HS1BP3: variants seen among roughly 807,000 people sequenced by gnomAD.
HS1BP3 encodes the protein HCLS1-binding protein 3.
HS1BP3 carries 32 observed loss-of-function variants against 33.5 expected under a neutral mutation model. The observed-to-expected ratio is 0.95, with a 90% CI of 0.72 to 1.28. HS1BP3 has a LOEUF of 1.28. HS1BP3 is among the 50% of genes most tolerant of loss of function. HS1BP3 has a pLI of 0.00. For missense variants in HS1BP3, 486 were observed against 502.3 expected (o/e 0.97, Z 0.31); for synonymous variants, 187 against 209.2 (o/e 0.89, Z 0.92).
At chr2:20,557,984 G>A (rs570281663), downstream of HS1BP3, among the ~76,000 whole-genome samples, 36 of 152,222 alleles carry the variant, frequency 2.4e-4, no homozygotes, top group Non-Finnish European at 5.0e-4. Context: ...GAGGGCACCA[G>A]GCTGCTGGCT....
At chr2:20,616,090 C>A (rs930621814), downstream of HS1BP3, among the ~76,000 whole-genome samples, 45 of 152,220 alleles carry the variant, frequency 3.0e-4, no homozygotes, top group African/African-American at 1.1e-3. Flanking sequence ...GGGCTCACAA[C>A]AGGCTTCGAA....
In HS1BP3 at chr2:20,651,021, G is replaced by T; in HGVS notation, c.32+11C>A. 2 of 1,239,954 alleles carry T rather than the reference G, an allele frequency of 1.6e-6. No individual in the cohort carries two copies. The highest frequency in any genetic ancestry group is 3.1e-5 in the East Asian group (1 of 32,468). The allele number at this position is 1,239,954 out of a possible 1,614,324, so 76.8% of individuals were successfully genotyped here. On this transcript the variant is annotated intron_variant, in intron 1 of 6. Transcript: ENST00000304031. ...GAGCTGTGCGGTGTGGGGCGCGGGG[G>T]TCTGGCTCACCTGGAGGTGACGAGC...
chr2:20,556,865 G>A (rs1692854156), downstream of HS1BP3, among the ~76,000 whole-genome samples: 1 of 152,050 alleles, frequency 6.6e-6, no homozygotes, highest in African/African-American at 2.4e-5. Flanking sequence ...TCTTTTCCAT[G>A]TCCTTAAAAT....
At chr2:20,593,840 C>A (rs936371031) in intron 3 of HS1BP3, among the ~76,000 whole-genome samples, 6 of 152,202 alleles carry the variant, frequency 3.9e-5, no homozygotes, top group African/African-American at 1.4e-4. Flanking sequence ...TGCACTCAAG[C>A]CTGGGATATG....
At chr2:20,591,612 C>T (rs1356532190), downstream of HS1BP3, among the ~76,000 whole-genome samples, 1 of 152,212 alleles carries the variant, frequency 6.6e-6, no homozygotes, top group Non-Finnish European at 1.5e-5. Context: ...TGCTCTGCCA[C>T]CCAGGCTGGA....
chr2:20,648,781 G>A lies in HS1BP3; in HGVS notation c.32+2251C>T, dbSNP rs2149305617. 2.0e-5 allele frequency among the ~76,000 whole-genome samples: 3 copies of A among 152,248 alleles called. 1 individual carries two copies. The Middle Eastern group carries it at 0.01, about 518-fold the overall frequency. Reference sequence around the variant, plus strand: ...AGCTGCCTGACATCCCCACTGGGCTGTCAACGAGCTTCTCAAAACTCACCT... The same window carrying A: ...AGCTGCCTGACATCCCCACTGGGCTATCAACGAGCTTCTCAAAACTCACCT... On this transcript the variant is annotated intron_variant, in intron 1 of 6. Transcript: ENST00000304031.
At chr2:20,642,259 G>A (rs1461900178) in intron 2 of HS1BP3, among the ~76,000 whole-genome samples, 1 of 152,220 alleles carries the variant, frequency 6.6e-6, no homozygotes, top group East Asian at 1.9e-4. Context: ...TCGGGCTCGG[G>A]GAGATCCCTT....
chr2:20,648,559 T>C (rs1320000453), intron 1 of HS1BP3, among the ~76,000 whole-genome samples: 1 of 152,182 alleles, frequency 6.6e-6, no homozygotes, highest in Non-Finnish European at 1.5e-5. Context: ...CCACTCTTGC[T>C]CAAACAGGAG....
At chr2:20,644,580 G>A (rs547710135) in intron 2 of HS1BP3, among the ~76,000 whole-genome samples, 6 of 152,304 alleles carry the variant, frequency 3.9e-5, no homozygotes, top group African/African-American at 1.4e-4. Flanking sequence ...GTCAGCAAAT[G>A]TGGTGCATGT....
At chr2:20,591,971 C>T (rs62125670), downstream of HS1BP3, among the ~76,000 whole-genome samples, 5,393 of 152,266 alleles carry the variant, frequency 0.035, 120 homozygotes, top group South Asian at 0.069. Flanking sequence ...GACGGTTCAA[C>T]ATCACGTCCC....
intron 2 of HS1BP3, among the ~76,000 whole-genome samples, chr2:20,610,838 G>A (rs1325049914): frequency 6.6e-6 from 1 of 152,200 alleles, no homozygotes; most frequent in Non-Finnish European, 1.5e-5. Flanking sequence ...ATAATCAAAT[G>A]TTCCCATTTT....
rs1023795245 is a variant in HS1BP3 at position 20,582,328 on chromosome 2, G to A, written c.303-21813C>T. Among the ~76,000 whole-genome samples the A allele has an allele frequency of 3.9e-5, 6 of 152,278 alleles. No individual in the cohort carries two copies. In the East Asian group the frequency reaches 1.2e-3, roughly 29 times the overall value. ...CTTCCAGGGCTCACAGCCTCTAGAA[G>A]GAGAGCTGACATGGATGGAGCTGGG... On this transcript the variant is annotated intron_variant, in intron 5 of 5. Coordinates refer to the HS1BP3 transcript ENST00000446825.
chr2:20,585,113 C>T (rs11694519), intron 5 of HS1BP3, among the ~76,000 whole-genome samples: 26,264 of 152,186 alleles, frequency 0.17, 2,847 homozygotes, highest in East Asian at 0.33. Context: ...CTGTGGCTGC[C>T]ACCTCAGAGC....
downstream of HS1BP3, among the ~76,000 whole-genome samples, chr2:20,589,257 C>T (rs920048094): frequency 1.3e-5 from 2 of 152,218 alleles, no homozygotes; most frequent in African/African-American, 4.8e-5. Context: ...AGGGCCTTCA[C>T]CGTCCAACAC....
chr2:20,649,221 T>TCAC (rs746162654), intron 1 of HS1BP3, among the ~76,000 whole-genome samples: 46 of 152,298 alleles, frequency 3.0e-4, no homozygotes, highest in Non-Finnish European at 5.3e-4. Flanking sequence ...GCTTGCCTCT[T>TCAC]CACCGCATCA....
At chr2:20,622,229 C>CTA in intron 6 of HS1BP3, 1 of 1,301,802 alleles carries the variant, frequency 7.7e-7, no homozygotes, top group African/African-American at 1.5e-5. Flanking sequence ...TCCAACTACT[C>CTA]CCTGGATAGT....
intron 2 of HS1BP3, among the ~76,000 whole-genome samples, chr2:20,604,994 T>C (rs1694144695): frequency 6.6e-6 from 1 of 152,198 alleles, no homozygotes; most frequent in South Asian, 2.1e-4. Flanking sequence ...AAAAGAATCA[T>C]GGATGTTCCC....
chr2:20,594,602 A>G (rs1397883760), intron 3 of HS1BP3, among the ~76,000 whole-genome samples: 1 of 152,216 alleles, frequency 6.6e-6, no homozygotes, highest in Admixed American at 6.5e-5. Flanking sequence ...TGCAGCAACA[A>G]GGCCAGCCTC....
intron 2 of HS1BP3, among the ~76,000 whole-genome samples, chr2:20,603,463 A>G (rs1036294815): frequency 6.6e-6 from 1 of 152,264 alleles, no homozygotes; most frequent in Non-Finnish European, 1.5e-5. Flanking sequence ...GCAGTATGCT[A>G]GGCGAAAGAA....
Sources: gnomAD v4.1 joint callset for allele counts (sites outside exome capture counted in the v4.1 genomes callset) on GRCh38, gnomAD v4.1.1 for gene constraint, MANE v1.5 for transcripts, NCBI Gene and HGNC (gene_info 2026-07-23, HGNC 2026-07-21) for gene names.